The following PCNX2 variants were observed in gnomAD, a reference collection of about 807,000 sequenced individuals.
The protein encoded by PCNX2 is pecanex-like protein 2.
Under a neutral mutation model 223.8 loss-of-function variants are expected in PCNX2, and 168 were observed. The observed-to-expected ratio is 0.75, with a 90% CI of 0.66 to 0.85. The LOEUF (loss-of-function observed/expected upper bound fraction) is 0.85. Among genes scored for constraint, PCNX2 ranks in the 40% least tolerant of loss-of-function variants. PCNX2 has a pLI of 0.00. For missense variants in PCNX2, 2,507 were observed against 2,675.5 expected (o/e 0.94, Z 1.39); for synonymous variants, 1,006 against 1,052.6 (o/e 0.96, Z 0.86).
intron 15 of PCNX2, among the ~76,000 whole-genome samples, chr1:233,182,102 C>A (rs944105139): frequency 2.0e-5 from 3 of 152,184 alleles, no homozygotes; most frequent in Non-Finnish European, 4.4e-5. Flanking sequence ...AGTTACTAGA[C>A]ATCTCTGACC....
chr1:233,324,877 C>T, the PCNX2 span, among the ~76,000 whole-genome samples: 2 of 152,188 alleles, frequency 1.3e-5, no homozygotes, highest in Non-Finnish European at 1.5e-5. Context: ...GTGTGAGCCA[C>T]CACACCTGGC....
chr1:233,259,012 T>G lies in PCNX2; in HGVS notation c.850A>C (p.Ile284Leu). ...QPWGSENSVL[I>L]PEPVSCPRGS... is the part of the protein sequence containing the mutation. ...CGGGGACAACTGACAGGTTCTGGAA[T>G]CAGGACTGAATTCTCACTCCCCCAC... The change falls in exon 5 of 34, where the codon ATT becomes CTT. Residue 284 changes from isoleucine to leucine, a missense_variant. Coordinates refer to ENST00000258229, the MANE Select transcript of PCNX2 (RefSeq NM_014801.4). 1 of 1,613,888 alleles carries G rather than the reference T, an allele frequency of 6.2e-7. No individual in the cohort carries two copies. The highest frequency in any genetic ancestry group is 8.5e-7 in the Non-Finnish European group (1 of 1,179,864).
intron 21 of PCNX2, among the ~76,000 whole-genome samples, chr1:233,096,311 C>A (rs1037847112): frequency 6.6e-6 from 1 of 152,144 alleles, no homozygotes; most frequent in African/African-American, 2.4e-5. Flanking sequence ...ATGCAAGTTA[C>A]AAAGTACTTT....
At chr1:233,036,061 A>G (rs1671443255) in intron 25 of PCNX2, among the ~76,000 whole-genome samples, 1 of 152,220 alleles carries the variant, frequency 6.6e-6, no homozygotes, top group Admixed American at 6.5e-5. Flanking sequence ...GACTTTAAAA[A>G]GTTTTTGAAT....
At chr1:233,288,807 T>G in intron 1 of PCNX2, 1 of 93,532 alleles carries the variant, frequency 1.1e-5, no homozygotes, top group Non-Finnish European at 1.8e-5. Flanking sequence ...AGATGCCCTT[T>G]TTTTTTTTTT....
In PCNX2 at chr1:233,000,933, T is replaced by G. The variant is rs1383823876; in HGVS notation, c.5098-398A>C. On this transcript the variant is annotated intron_variant, in intron 29 of 33. Transcript: ENST00000258229. The surrounding 1 kb of genome is among the most constrained non-coding windows in gnomAD (Gnocchi z 4.6). Reference sequence around the variant, plus strand: ...AAGACTATCTGGACGGCTTCAATGCTTAGTTACCTAAGTAATAAACCCACT... The same window carrying G: ...AAGACTATCTGGACGGCTTCAATGCGTAGTTACCTAAGTAATAAACCCACT... 6.6e-5 allele frequency among the ~76,000 whole-genome samples: 10 copies of G among 152,220 alleles called. No individual in the cohort carries two copies. The highest frequency in any genetic ancestry group is 5.9e-4 in the Admixed American group (9 of 15,284).
intron 15 of PCNX2, among the ~76,000 whole-genome samples, chr1:233,191,220 A>G (rs550157880): frequency 6.6e-6 from 1 of 152,314 alleles, no homozygotes; most frequent in South Asian, 2.1e-4. Flanking sequence ...TGAGTTCCTG[A>G]GGAGAAAGGA....
chr1:233,052,850 C>G (rs1328208993), intron 25 of PCNX2, among the ~76,000 whole-genome samples: 1 of 152,078 alleles, frequency 6.6e-6, no homozygotes, highest in Non-Finnish European at 1.5e-5. Flanking sequence ...TTTTAGTAAA[C>G]ACACCTCTGC....
At chr1:233,217,752 TTATA>T in intron 12 of PCNX2, 143 bp downstream of exon 12, 2 of 791,054 alleles carry the variant, frequency 2.5e-6, no homozygotes, top group Non-Finnish European at 3.7e-6. Flanking sequence ...CACCATGCAC[TTATA>T]TATATATATA....
chr1:233,176,868 A>G (rs913299644), intron 17 of PCNX2, among the ~76,000 whole-genome samples: 6 of 152,174 alleles, frequency 3.9e-5, no homozygotes, highest in Non-Finnish European at 5.9e-5. Context: ...ACAAAAAATT[A>G]GCTGGGCATG....
intron 25 of PCNX2, among the ~76,000 whole-genome samples, chr1:233,043,151 T>C (rs1410241378): frequency 6.6e-6 from 1 of 152,218 alleles, no homozygotes; most frequent in Admixed American, 6.5e-5. Flanking sequence ...GTTGGCAGCA[T>C]GGTGATTCCT....
chr1:233,054,609 A>T, intron 24 of PCNX2, 126 bp from the exon 25 acceptor site: 1 of 753,668 alleles, frequency 1.3e-6, no homozygotes, highest in Non-Finnish European at 2.1e-6. Context: ...AAAAGAGGAA[A>T]GATGTGTTCT....
intron 24 of PCNX2, 84 bp from the exon 25 acceptor site, chr1:233,054,567 A>ATTTTACCC: frequency 2.7e-6 from 3 of 1,103,146 alleles, no homozygotes; most frequent in Non-Finnish European, 4.0e-6. Flanking sequence ...TTGTCATCTG[A>ATTTTACCC]TTAAGGGTAA....
At chr1:233,140,754 G>T (rs1220202906) in intron 19 of PCNX2, among the ~76,000 whole-genome samples, 2 of 152,114 alleles carry the variant, frequency 1.3e-5, no homozygotes, top group African/African-American at 4.8e-5. Flanking sequence ...CTTCATCCCT[G>T]CCTCTTGGAA....
intron 1 of PCNX2, chr1:233,289,498 G>C (rs1661637657): frequency 1.3e-6 from 1 of 799,160 alleles, no homozygotes; most frequent in Non-Finnish European, 2.1e-6. Flanking sequence ...AGAGCAGAAG[G>C]ATGCCTTTTA....
At position 232,986,094 on chromosome 1, in the gene PCNX2, G is replaced by A. The variant is rs1278618086; in HGVS notation, c.6238C>T (p.Arg2080Trp). 7 of 1,559,276 alleles carry A rather than the reference G, an allele frequency of 4.5e-6. No homozygotes were observed. Among genetic ancestry groups the A allele is most frequent in the Non-Finnish European group, 6.1e-6 (7 of 1,150,982 alleles). The change falls in exon 33 of 34, where the codon CGG (arginine) becomes TGG (tryptophan). Residue 2080 changes from arginine (R) to tryptophan (W), a missense_variant and splice_region_variant. By Grantham distance (101) the Arg-to-Trp change is moderately radical (BLOSUM62 -3). Coordinates refer to ENST00000258229, the MANE Select transcript of PCNX2 (RefSeq NM_014801.4). ...PSARAASQAT[R>W]HLSEPCEPPD... ...GTGAGCCCTGCCCAGCCCCTTACCCGAGTGGCCTGGCTGGCAGCCCTGGCT... is the reference window on the plus strand; with the variant it reads ...GTGAGCCCTGCCCAGCCCCTTACCCAAGTGGCCTGGCTGGCAGCCCTGGCT...
At position 232,990,237 on chromosome 1, in the gene PCNX2, G is replaced by A. The variant is rs958020925; in HGVS notation, c.5792-3697C>T. ...GTCCCGGGCAGGGCCAGGCAGAGCCGCCCCTCCCGTTGTGGTAGCCTCCTT... is the reference window on the plus strand; with the variant it reads ...GTCCCGGGCAGGGCCAGGCAGAGCCACCCCTCCCGTTGTGGTAGCCTCCTT... On this transcript the variant is annotated intron_variant, in intron 32 of 33. Coordinates refer to ENST00000258229, the MANE Select transcript of PCNX2 (RefSeq NM_014801.4). The surrounding 1 kb of genome is among the most constrained non-coding windows in gnomAD (Gnocchi z 4.3). 3.3e-5 allele frequency among the ~76,000 whole-genome samples: 5 copies of A among 152,180 alleles called. No homozygotes were observed. Among genetic ancestry groups the A allele is most frequent in the African/African-American group, 1.2e-4 (5 of 41,444 alleles).
intron 28 of PCNX2, 98 bp downstream of exon 28, chr1:233,014,567 G>T: frequency 1.1e-6 from 1 of 895,934 alleles, no homozygotes; most frequent in Admixed American, 2.2e-5. Flanking sequence ...AGTATAATAA[G>T]TCCAGCTTCA....
intron 15 of PCNX2, among the ~76,000 whole-genome samples, chr1:233,182,910 T>C (rs1679883486): frequency 6.6e-6 from 1 of 151,272 alleles, no homozygotes; most frequent in African/African-American, 2.4e-5. Context: ...AAAGTGTCTC[T>C]TTTTTTTTCA....
Sources: allele counts gnomAD v4.1 joint callset (sites outside exome capture counted in the v4.1 genomes callset), GRCh38; gene constraint gnomAD v4.1.1; non-coding constraint Gnocchi (gnomAD v3.1); transcripts MANE v1.5; gene names NCBI Gene and HGNC (gene_info 2026-07-23, HGNC 2026-07-21).